Variants in SPOCK1 observed in about 807,000 individuals in gnomAD.
The protein encoded by SPOCK1 is testican-1.
In SPOCK1, 23 loss-of-function variants were observed where a neutral mutation model predicts 55.3. That is an observed-to-expected ratio of 0.42 (90% CI 0.30 to 0.59). SPOCK1 has a LOEUF of 0.59. Among genes scored for constraint, SPOCK1 ranks in the 20% least tolerant of loss-of-function variants. The pLI, the probability that SPOCK1 is intolerant of heterozygous loss-of-function variation, is 0.22. For missense variants in SPOCK1, 499 were observed against 552.5 expected, an observed-to-expected ratio of 0.90 and a Z score of 0.97; for synonymous variants, 226 against 221.0, an observed-to-expected ratio of 1.02 and a Z score of -0.20.
chr5:136,991,603 A>T (rs1428576191), intron 7 of SPOCK1, among the ~76,000 whole-genome samples: 2 of 152,230 alleles, frequency 1.3e-5, no homozygotes, highest in African/African-American at 4.8e-5. Flanking sequence ...ATGCTGTTTT[A>T]AATGATGTGT....
In SPOCK1 at chr5:137,426,688, C is replaced by T. The variant is rs79412694; in HGVS notation, c.186+71685G>A. Reference sequence around the variant, plus strand: ...TCTAACCTATGGGTGACTGCCTAAACATGATGTAAGAACTCCTGCTACCAG... The same window carrying T: ...TCTAACCTATGGGTGACTGCCTAAATATGATGTAAGAACTCCTGCTACCAG... On this transcript the variant is annotated intron_variant, in intron 2 of 10. Coordinates refer to ENST00000394945, the MANE Select transcript of SPOCK1 (RefSeq NM_004598.4). Among the ~76,000 whole-genome samples, 63 of 152,264 alleles carry T rather than the reference C, an allele frequency of 4.1e-4. 2 individuals are homozygous for T. The East Asian group carries it at 9.1e-3, about 22-fold the overall frequency.
chr5:137,153,657 C>T (rs1333970310), intron 3 of SPOCK1, among the ~76,000 whole-genome samples: 1 of 151,766 alleles, frequency 6.6e-6, no homozygotes, highest in Admixed American at 6.6e-5. Context: ...AGTTCAAGAC[C>T]AGCCTGGGCA....
intron 4 of SPOCK1, among the ~76,000 whole-genome samples, chr5:137,124,563 T>C (rs1452357394): frequency 6.6e-6 from 1 of 152,186 alleles, no homozygotes; most frequent in Non-Finnish European, 1.5e-5. Flanking sequence ...AGGCCAGGCA[T>C]GGAAGAGCCT....
chr5:137,478,665 T>TAAAAAAA (rs1753885013), intron 2 of SPOCK1, among the ~76,000 whole-genome samples: 2 of 152,150 alleles, frequency 1.3e-5, no homozygotes, highest in Non-Finnish European at 2.9e-5. Context: ...AAAATTGGTA[T>TAAAAAAA]ATATTAGTAA....
At chr5:136,981,849 A>AT (rs1750737572) in intron 9 of SPOCK1, among the ~76,000 whole-genome samples, 1 of 152,218 alleles carries the variant, frequency 6.6e-6, no homozygotes, top group Non-Finnish European at 1.5e-5. Context: ...TGTGGCTATA[A>AT]TTCGCCCTTA....
chr5:137,432,193 C>A (rs569977562), intron 2 of SPOCK1, among the ~76,000 whole-genome samples: 2 of 152,282 alleles, frequency 1.3e-5, no homozygotes, highest in Admixed American at 1.3e-4. Context: ...AAAAACAGCA[C>A]TGAGGTTCCT....
intron 3 of SPOCK1, among the ~76,000 whole-genome samples, chr5:137,172,038 C>T (rs1754763954): frequency 6.6e-6 from 1 of 152,168 alleles, no homozygotes; most frequent in African/African-American, 2.4e-5. Flanking sequence ...TGTCATACTT[C>T]ACTTGAGTGA....
At chr5:137,170,719 C>T (rs970094022) in intron 3 of SPOCK1, among the ~76,000 whole-genome samples, 2 of 152,108 alleles carry the variant, frequency 1.3e-5, no homozygotes, top group East Asian at 3.9e-4. Flanking sequence ...TATGCTGCCT[C>T]CCTGATCTCA....
intron 2 of SPOCK1, among the ~76,000 whole-genome samples, chr5:137,297,355 A>G (rs1427347508): frequency 1.3e-5 from 2 of 152,238 alleles, no homozygotes; most frequent in Non-Finnish European, 2.9e-5. Flanking sequence ...AAAGAATCTG[A>G]AATAATGAGA....
chr5:137,292,745 C>CTTTT (rs35480537), intron 2 of SPOCK1, among the ~76,000 whole-genome samples: 16,476 of 152,178 alleles, frequency 0.11, 1,022 homozygotes, highest in Admixed American at 0.16. Flanking sequence ...TGTAGATACA[C>CTTTT]ATCCTAACTT....
At chr5:137,060,891 A>T (rs559861660) in intron 6 of SPOCK1, among the ~76,000 whole-genome samples, 15 of 152,360 alleles carry the variant, frequency 9.8e-5, no homozygotes, top group Admixed American at 7.8e-4. Flanking sequence ...AGAATCTGAG[A>T]TCAAAGTCAA....
At chr5:136,996,145 G>T (rs750048569) in intron 6 of SPOCK1, among the ~76,000 whole-genome samples, 6 of 152,214 alleles carry the variant, frequency 3.9e-5, no homozygotes, top group Non-Finnish European at 7.3e-5. Context: ...CCCCAATAAA[G>T]GTGTGAACAG....
intron 6 of SPOCK1, among the ~76,000 whole-genome samples, chr5:137,066,814 TCA>T: frequency 6.6e-6 from 1 of 152,274 alleles, no homozygotes; most frequent in African/African-American, 2.4e-5. Flanking sequence ...ATTCCTGAAG[TCA>T]CCATGATCAC....
chr5:137,061,112 G>A (rs1752386906), intron 6 of SPOCK1, among the ~76,000 whole-genome samples: 1 of 152,214 alleles, frequency 6.6e-6, no homozygotes, highest in Non-Finnish European at 1.5e-5. Flanking sequence ...AGTATAAACT[G>A]CTTTTAAATT....
chr5:137,195,834 C>T lies in SPOCK1; in HGVS notation c.233-55140G>A, dbSNP rs1218870078. The stretch of plus-strand genomic sequence containing the variant: ...TCCAGGATGGCTGGAATAGGCTGGG[C>T]CAAGCCAGGGATGCAGATGCCAGCC... On this transcript the variant is annotated intron_variant, in intron 3 of 10. Transcript: ENST00000394945. Among the ~76,000 whole-genome samples the T allele has an allele frequency of 5.3e-5, 8 of 152,248 alleles. No individual in the cohort carries two copies. The East Asian group carries it at 1.2e-3, about 22-fold the overall frequency.
intron 5 of SPOCK1, among the ~76,000 whole-genome samples, chr5:137,104,777 G>C (rs763159859): frequency 2.6e-5 from 4 of 152,054 alleles, no homozygotes; most frequent in Non-Finnish European, 5.9e-5. Flanking sequence ...AAACAAGCTC[G>C]GGGCTCCCGC....
intron 4 of SPOCK1, among the ~76,000 whole-genome samples, chr5:137,118,977 C>T (rs568766216): frequency 1.2e-4 from 18 of 152,340 alleles, no homozygotes; most frequent in Non-Finnish European, 2.1e-4. Flanking sequence ...TGATTCCTCA[C>T]ACATAGCAAC....
chr5:137,113,603 A>G (rs1161561583), intron 4 of SPOCK1, among the ~76,000 whole-genome samples: 6 of 152,204 alleles, frequency 3.9e-5, no homozygotes, highest in Non-Finnish European at 7.3e-5. Flanking sequence ...AGTAAAATGG[A>G]GGAAAATAGA....
chr5:137,245,496 A>G (rs764483408), intron 3 of SPOCK1, among the ~76,000 whole-genome samples: 6 of 152,228 alleles, frequency 3.9e-5, no homozygotes, highest in Non-Finnish European at 7.3e-5. Flanking sequence ...GGAATTCATT[A>G]AATATTCAAT....
Sources: gnomAD v4.1 joint callset for allele counts (sites outside exome capture counted in the v4.1 genomes callset) on GRCh38, gnomAD v4.1.1 for gene constraint, MANE v1.5 for transcripts, NCBI Gene and HGNC (gene_info 2026-07-23, HGNC 2026-07-21) for gene names.